The following INPP4B variants were observed in gnomAD, a reference collection of about 807,000 sequenced individuals.
The protein encoded by INPP4B is inositol polyphosphate-4-phosphatase type II B.
In INPP4B, 55 loss-of-function variants were observed where a neutral mutation model predicts 122.5. That is an observed-to-expected ratio of 0.45 (90% CI 0.36 to 0.56). The LOEUF is 0.56. Among genes scored for constraint, INPP4B ranks in the 20% least tolerant of loss-of-function variants. INPP4B has a pLI of 0.00. For synonymous variants in INPP4B, 403 were observed against 388.7 expected (o/e 1.04, Z -0.43); for missense variants, 1,000 against 1,097.7 (o/e 0.91, Z 1.26).
chr4:142,756,049 C>A (rs144245922), intron 1 of INPP4B, among the ~76,000 whole-genome samples: 64 of 152,098 alleles, frequency 4.2e-4, no homozygotes, highest in African/African-American at 1.4e-3. Flanking sequence ...ATAATTTGTC[C>A]AGATCCTCTT....
intron 12 of INPP4B, among the ~76,000 whole-genome samples, chr4:142,224,745 C>A (rs919856754): frequency 2.0e-5 from 3 of 151,264 alleles, no homozygotes; most frequent in Non-Finnish European, 4.4e-5. Context: ...ATATAGAATA[C>A]CGAATATCTG....
At chr4:142,570,652 G>A (rs142711797) in intron 2 of INPP4B, among the ~76,000 whole-genome samples, 1 of 151,976 alleles carries the variant, frequency 6.6e-6, no homozygotes, top group Non-Finnish European at 1.5e-5. Context: ...AAAAAAATTT[G>A]TTAGCAATTT....
At chr4:142,610,685 C>A (rs749641944) in intron 2 of INPP4B, among the ~76,000 whole-genome samples, 3 of 152,186 alleles carry the variant, frequency 2.0e-5, no homozygotes, top group Non-Finnish European at 2.9e-5. Context: ...AAGTTTAGAA[C>A]ACGTGATCAC....
At chr4:142,134,144 A>C (rs1416416867) in intron 18 of INPP4B, among the ~76,000 whole-genome samples, 1 of 152,262 alleles carries the variant, frequency 6.6e-6, no homozygotes, top group Non-Finnish European at 1.5e-5. Context: ...TAATTAAAAT[A>C]TGTTGAATGA....
chr4:142,502,915 T>C (rs991064777), intron 2 of INPP4B, among the ~76,000 whole-genome samples: 1 of 152,166 alleles, frequency 6.6e-6, no homozygotes, highest in African/African-American at 2.4e-5. Context: ...AGCATGGATA[T>C]CTGACTTTAC....
chr4:142,225,349 T>G (rs1024913539), intron 12 of INPP4B, among the ~76,000 whole-genome samples: 1 of 152,080 alleles, frequency 6.6e-6, no homozygotes, highest in African/African-American at 2.4e-5. Flanking sequence ...TTTGAGGTTT[T>G]GGGGCTGGGA....
intron 14 of INPP4B, among the ~76,000 whole-genome samples, chr4:142,201,312 TTTAA>T (rs1379197903): frequency 6.6e-6 from 1 of 152,096 alleles, no homozygotes; most frequent in Non-Finnish European, 1.5e-5. Context: ...AATCTTTAAC[TTTAA>T]TTGAGATATT....
At chr4:142,302,421 A>G (rs916812156) in intron 9 of INPP4B, among the ~76,000 whole-genome samples, 11 of 152,186 alleles carry the variant, frequency 7.2e-5, no homozygotes, top group African/African-American at 2.4e-4. Context: ...AAGAGACAAA[A>G]TGTCGGTCAT....
At chr4:142,492,009 G>T (rs1318327045) in intron 2 of INPP4B, among the ~76,000 whole-genome samples, 4 of 152,076 alleles carry the variant, frequency 2.6e-5, no homozygotes, top group Non-Finnish European at 5.9e-5. Context: ...TCTTGGGAGG[G>T]ACCTGGTGGG....
In INPP4B at chr4:142,100,097, C is replaced by T. The variant is rs949026018; in HGVS notation, c.2374+7996G>A. On this transcript the variant is annotated intron_variant, in intron 23 of 25. Coordinates refer to ENST00000262992, the MANE Select transcript of INPP4B (RefSeq NM_001101669.3). Reference sequence around the variant, plus strand: ...GAAAGATACTGAGTAGCACAGGGGTCGATGATGCTGATCAATCGCTGATAT... The same window carrying T: ...GAAAGATACTGAGTAGCACAGGGGTTGATGATGCTGATCAATCGCTGATAT... Among the ~76,000 whole-genome samples, 13 of 152,150 alleles carry T rather than the reference C, an allele frequency of 8.5e-5. 1 individual carries two copies. The highest frequency in any genetic ancestry group is 5.9e-4 in the Admixed American group (9 of 15,264).
chr4:142,826,088 T>C (rs746828373), intron 1 of INPP4B, among the ~76,000 whole-genome samples: 3 of 152,118 alleles, frequency 2.0e-5, no homozygotes, highest in African/African-American at 7.2e-5. Context: ...TTGATGCAAA[T>C]AGCTTGAGTA....
rs1055880803 is a variant in INPP4B, at chr4:142,028,213, G to C, written c.*569C>G. On this transcript the variant is annotated 3_prime_UTR_variant, in exon 26 of 26. Transcript: ENST00000262992. ...TGTTGCAAGGGAGGAGTCACACCTT[G>C]ACTGGATGATAGAGATCATTGTGGA... 1.3e-5 allele frequency: 3 copies of C among 228,222 alleles called. No individual in the cohort carries two copies. Among genetic ancestry groups the C allele is most frequent in the African/African-American group, 6.7e-5 (3 of 45,042 alleles). 14.1% of individuals were successfully genotyped at this position (228,222 alleles called of 1,614,324 possible). A position where few individuals can be genotyped will look rare whatever the true frequency, so the allele number is the denominator to read the frequency against.
chr4:142,246,752 T>G (rs1468785603), intron 11 of INPP4B, among the ~76,000 whole-genome samples: 1 of 152,184 alleles, frequency 6.6e-6, no homozygotes, highest in Non-Finnish European at 1.5e-5. Flanking sequence ...ACAGAGACAA[T>G]TCGACTTCCT....
intron 2 of INPP4B, among the ~76,000 whole-genome samples, chr4:142,620,881 T>G (rs1744759698): frequency 6.6e-6 from 1 of 151,676 alleles, no homozygotes; most frequent in African/African-American, 2.4e-5. Context: ...ATTCGGGGAG[T>G]TTTTTAGATG....
chr4:142,832,680 C>A (rs1782294322), intron 1 of INPP4B, among the ~76,000 whole-genome samples: 1 of 152,126 alleles, frequency 6.6e-6, no homozygotes, highest in Admixed American at 6.5e-5. Flanking sequence ...TTAGGCAGAT[C>A]AGGGTAACAA....
intron 18 of INPP4B, among the ~76,000 whole-genome samples, chr4:142,128,100 C>T (rs1236684933): frequency 6.6e-6 from 1 of 152,028 alleles, no homozygotes; most frequent in Non-Finnish European, 1.5e-5. Context: ...AGACTTGTCA[C>T]TTGCCCCTCA....
intron 1 of INPP4B, among the ~76,000 whole-genome samples, chr4:142,737,751 C>A (rs1767187559): frequency 6.6e-6 from 1 of 151,930 alleles, no homozygotes; most frequent in African/African-American, 2.4e-5. Flanking sequence ...ACAATGAACT[C>A]AAACAAATTT....
At chr4:142,137,121 C>T (rs1804821293) in intron 18 of INPP4B, among the ~76,000 whole-genome samples, 2 of 152,172 alleles carry the variant, frequency 1.3e-5, no homozygotes, top group Admixed American at 6.5e-5. Flanking sequence ...ATCATGCTAC[C>T]TGACTTCAAA....
chr4:142,221,775 A>G (rs576462143), intron 12 of INPP4B, among the ~76,000 whole-genome samples: 2 of 152,292 alleles, frequency 1.3e-5, no homozygotes, highest in South Asian at 2.1e-4. Context: ...GGTACTTACA[A>G]TGTAAGCAGG....
Sources: allele counts gnomAD v4.1 joint callset (sites outside exome capture counted in the v4.1 genomes callset), GRCh38; gene constraint gnomAD v4.1.1; transcripts MANE v1.5; gene names NCBI Gene and HGNC (gene_info 2026-07-23, HGNC 2026-07-21).